Variants in JMJD1C observed in about 807,000 individuals in gnomAD.
JMJD1C encodes jumonji domain-containing protein 1C.
In JMJD1C, 31 loss-of-function variants were observed where a neutral mutation model predicts 245.3. That is an observed-to-expected ratio of 0.13 (90% CI 0.09 to 0.17). JMJD1C has a LOEUF of 0.17. Among genes scored for constraint, JMJD1C ranks in the 10% least tolerant of loss-of-function variants. JMJD1C has a pLI of 1.00. For synonymous variants in JMJD1C, 1,057 were observed against 1,017.4 expected, an observed-to-expected ratio of 1.04 and a Z score of -0.74; for missense variants, 2,691 against 3,000.2, an observed-to-expected ratio of 0.90 and a Z score of 2.41.
At chr10:63,295,952 C>T (rs202079610) in intron 2 of JMJD1C, among the ~76,000 whole-genome samples, 485 of 28,656 alleles carry the variant, frequency 0.017, 2 homozygotes, top group Non-Finnish European at 0.029. Flanking sequence ...TATATATATA[C>T]ACGTATATGT....
rs542340894 is a variant in JMJD1C at position 63,207,083 on chromosome 10, T to C, written c.4586A>G (p.Lys1529Arg). Residue 1529 changes from lysine (K) to arginine (R), a missense_variant, in exon 10 of 26, where the codon AAA becomes AGA. By Grantham distance (26) the Lys-to-Arg change is conservative. Transcript: ENST00000399262. ...DSTVICSTIN[K>R]ANSVGNGQAS... ...TTGCCCATTTCCTACAGAGTTTGCT[T>C]TGTTAATTGTACTACAGATTACAGT... 6.2e-7 allele frequency: 1 copy of C among 1,614,204 alleles called. No individual in the cohort carries two copies. The highest frequency in any genetic ancestry group is 1.1e-5 in the South Asian group (1 of 91,074).
At position 63,434,986 on chromosome 10, in the gene JMJD1C, A is replaced by G. The variant is rs145777729; in HGVS notation, c.168+30509T>C. ...CTCCTCACAACACTTCCTCATACCA[A>G]TAGCATATCTTTAGAACACCAATTA... is the stretch of plus-strand genomic sequence containing the variant. On this transcript the variant is annotated intron_variant, in intron 1 of 25. Transcript: ENST00000399262. Among the ~76,000 whole-genome samples, 102 of 152,348 alleles carry G rather than the reference A, an allele frequency of 6.7e-4. 1 individual carries two copies. The highest frequency in any genetic ancestry group is 2.4e-3 in the African/African-American group (99 of 41,582).
chr10:63,245,928 T>C (rs930425312), intron 3 of JMJD1C, among the ~76,000 whole-genome samples: 1 of 152,130 alleles, frequency 6.6e-6, no homozygotes, highest in African/African-American at 2.4e-5. Flanking sequence ...AGATGAGATT[T>C]GGGTGGGGAC....
rs937491750 is a variant in JMJD1C, at chr10:63,360,643, C to A, written c.333+19675G>T. 3.9e-5 allele frequency among the ~76,000 whole-genome samples: 6 copies of A among 152,062 alleles called. No homozygotes were observed. The East Asian group carries it at 1.2e-3, about 29-fold the overall frequency. On this transcript the variant is annotated intron_variant, in intron 2 of 25. Coordinates refer to ENST00000399262, the MANE Select transcript of JMJD1C (RefSeq NM_032776.3). ...TGATTAGAAATCACTAATTAGAATT[C>A]TTACCAGATAGGCAGGTAGACAGTT...
chr10:63,457,902 A>C lies in JMJD1C; in HGVS notation c.168+7593T>G, dbSNP rs548410631. 6.6e-5 allele frequency among the ~76,000 whole-genome samples: 10 copies of C among 152,332 alleles called. No homozygotes were observed. The East Asian group carries it at 1.5e-3, about 23-fold the overall frequency. ...ATGCATAGTTTTGTTTTGCCAGACA[A>C]AACAGTAAACAGATTGTGAGCTGCT... is the stretch of plus-strand genomic sequence containing the variant. On this transcript the variant is annotated intron_variant, in intron 1 of 25. Coordinates refer to ENST00000399262, the MANE Select transcript of JMJD1C (RefSeq NM_032776.3).
At chr10:63,190,002 T>C (rs993002072) in intron 17 of JMJD1C, among the ~76,000 whole-genome samples, 1 of 151,612 alleles carries the variant, frequency 6.6e-6, no homozygotes, top group Non-Finnish European at 1.5e-5. Flanking sequence ...GTGATTTTCC[T>C]GTCTCAGACT....
intron 3 of JMJD1C, among the ~76,000 whole-genome samples, chr10:63,252,955 C>A (rs1040461077): frequency 6.6e-6 from 1 of 152,198 alleles, no homozygotes. Flanking sequence ...ATCACAGGAT[C>A]TTCTTTTTCC....
At chr10:63,242,085 G>T (rs1851550915) in intron 3 of JMJD1C, among the ~76,000 whole-genome samples, 1 of 152,132 alleles carries the variant, frequency 6.6e-6, no homozygotes, top group Non-Finnish European at 1.5e-5. Flanking sequence ...TGATAATTTG[G>T]AATAATTACT....
chr10:63,402,689 T>A (rs1022381781), intron 1 of JMJD1C, among the ~76,000 whole-genome samples: 3 of 152,180 alleles, frequency 2.0e-5, no homozygotes, highest in Non-Finnish European at 2.9e-5. Context: ...ATAATAAACA[T>A]ACTAGAAATT....
In JMJD1C at chr10:63,371,655, T is replaced by A. The variant is rs1230076972; in HGVS notation, c.333+8663A>T. 2.1e-5 allele frequency among the ~76,000 whole-genome samples: 3 copies of A among 145,908 alleles called. No homozygotes were observed. In the South Asian group the frequency reaches 6.8e-4, roughly 33 times the overall value. On this transcript the variant is annotated intron_variant, in intron 2 of 25. Coordinates refer to ENST00000399262, the MANE Select transcript of JMJD1C (RefSeq NM_032776.3). The stretch of plus-strand genomic sequence containing the variant: ...AGACTAGAATTAATGAATCAAAGAG[T>A]ATGAACTTCTTATGGTTCTTATAAC...
chr10:63,276,780 C>T lies in JMJD1C; in HGVS notation c.334-12016G>A, dbSNP rs539180862. 7.8e-4 allele frequency among the ~76,000 whole-genome samples: 118 copies of T among 150,978 alleles called. 1 individual carries two copies. The highest frequency in any genetic ancestry group is 7.5e-3 in the South Asian group (36 of 4,770). ...CCTACCAGGAAACCAATTTTAATTA[C>T]GTATGTAATTAACAGTAGTCCCACA... On this transcript the variant is annotated intron_variant, in intron 2 of 25. Coordinates refer to ENST00000399262, the MANE Select transcript of JMJD1C (RefSeq NM_032776.3).
At chr10:63,263,807 C>T (rs1366433484) in intron 3 of JMJD1C, among the ~76,000 whole-genome samples, 3 of 151,904 alleles carry the variant, frequency 2.0e-5, no homozygotes, top group Non-Finnish European at 4.4e-5. Flanking sequence ...TGGTGTGTGC[C>T]TGTCATCCCA....
chr10:63,249,242 G>A (rs1852706243), intron 3 of JMJD1C, among the ~76,000 whole-genome samples: 1 of 152,138 alleles, frequency 6.6e-6, no homozygotes, highest in African/African-American at 2.4e-5. Flanking sequence ...TTTGAACCTG[G>A]GAGGCAGAGG....
intron 16 of JMJD1C, 100 bp from the exon 17 acceptor site, chr10:63,191,208 T>A (rs1461443602): frequency 3.0e-5 from 24 of 805,780 alleles, no homozygotes; most frequent in Non-Finnish European, 8.1e-6. Context: ...CTCGGCTCAC[T>A]GCAACCTCTG....
chr10:63,228,681 C>T (rs1158107093), intron 3 of JMJD1C, among the ~76,000 whole-genome samples: 1 of 152,140 alleles, frequency 6.6e-6, no homozygotes, highest in Non-Finnish European at 1.5e-5. Flanking sequence ...TTTAAATATA[C>T]TAATGCAATT....
chr10:63,336,809 C>T (rs1942782101), intron 2 of JMJD1C, among the ~76,000 whole-genome samples: 1 of 152,044 alleles, frequency 6.6e-6, no homozygotes, highest in Non-Finnish European at 1.5e-5. Flanking sequence ...AAGCTAATTC[C>T]TAATTAGTGC....
chr10:63,308,831 G>C (rs1422332767), intron 2 of JMJD1C, among the ~76,000 whole-genome samples: 1 of 148,700 alleles, frequency 6.7e-6, no homozygotes, highest in Non-Finnish European at 1.5e-5. Context: ...TCCCAGGGCT[G>C]AAGAATAAGT....
intron 10 of JMJD1C, chr10:63,204,105 A>C (rs1159285664): frequency 1.1e-6 from 1 of 926,234 alleles, no homozygotes; most frequent in Non-Finnish European, 1.3e-6. Context: ...CAGTCTGGGC[A>C]ATGTAGGGAG....
intron 1 of JMJD1C, among the ~76,000 whole-genome samples, chr10:63,455,599 T>G (rs1046941453): frequency 1.3e-5 from 2 of 152,154 alleles, no homozygotes; most frequent in Admixed American, 6.5e-5. Flanking sequence ...AGCTACCAGA[T>G]TCAGATTTTT....
Sources: gnomAD v4.1 joint callset for allele counts (sites outside exome capture counted in the v4.1 genomes callset) on GRCh38, gnomAD v4.1.1 for gene constraint, MANE v1.5 for transcripts, NCBI Gene and HGNC (gene_info 2026-07-23, HGNC 2026-07-21) for gene names.